The following MOGAT1 variants were observed in gnomAD, a reference collection of about 807,000 sequenced individuals.
MOGAT1 encodes the protein 2-acylglycerol O-acyltransferase 1.
In MOGAT1, 32 loss-of-function variants were observed where a neutral mutation model predicts 31.4. That is an observed-to-expected ratio of 1.02 (90% CI 0.77 to 1.37). The LOEUF (loss-of-function observed/expected upper bound fraction) is 1.37, where lower values mean the gene tolerates loss of function less well. MOGAT1 is among the 40% of genes most tolerant of loss of function. The pLI, the probability that MOGAT1 is intolerant of heterozygous loss-of-function variation, is 0.00. For missense variants in MOGAT1, 426 were observed against 402.0 expected (o/e 1.06, Z -0.51); for synonymous variants, 145 against 144.5 (o/e 1.00, Z -0.03).
At chr2:222,708,905 C>G (rs572953796) in intron 5 of MOGAT1, among the ~76,000 whole-genome samples, 1 of 152,252 alleles carries the variant, frequency 6.6e-6, no homozygotes, top group Non-Finnish European at 1.5e-5. Flanking sequence ...GTTTATTTAA[C>G]AGTTTTTCTA....
At chr2:222,701,115 C>T (rs1022644803) in intron 5 of MOGAT1, among the ~76,000 whole-genome samples, 7 of 152,296 alleles carry the variant, frequency 4.6e-5, no homozygotes, top group African/African-American at 1.7e-4. Flanking sequence ...TTTCCCGTGG[C>T]TGGCCGCGGT....
chr2:222,686,014 A>G (rs17566949), intron 1 of MOGAT1, among the ~76,000 whole-genome samples: 6,084 of 152,162 alleles, frequency 0.04, 142 homozygotes, highest in African/African-American at 0.059. Context: ...TGGGGACATT[A>G]TTTTTGGATC....
intron 3 of MOGAT1, among the ~76,000 whole-genome samples, chr2:222,691,888 C>A (rs72968053): frequency 1.3e-5 from 2 of 152,320 alleles, no homozygotes; most frequent in East Asian, 3.9e-4. Flanking sequence ...TTCCTCTTGT[C>A]CCATTTTGGG....
chr2:222,683,689 T>C (rs1692620639), intron 1 of MOGAT1, among the ~76,000 whole-genome samples: 1 of 151,924 alleles, frequency 6.6e-6, no homozygotes, highest in Non-Finnish European at 1.5e-5. Flanking sequence ...ATCACACCAC[T>C]GCACTCCAGT....
chr2:222,693,618 C>T (rs1420770404), intron 3 of MOGAT1, among the ~76,000 whole-genome samples: 3 of 152,020 alleles, frequency 2.0e-5, no homozygotes, highest in Non-Finnish European at 2.9e-5. Context: ...TCACGTCTTA[C>T]ATGGGTGGCG....
intron 5 of MOGAT1, among the ~76,000 whole-genome samples, chr2:222,701,328 GATAA>G (rs1241166585): frequency 8.6e-6 from 1 of 115,896 alleles, no homozygotes; most frequent in Non-Finnish European, 2.0e-5. Context: ...GAGAGAGAGA[GATAA>G]AAGGAATTAA....
intron 5 of MOGAT1, among the ~76,000 whole-genome samples, chr2:222,695,738 ATATTCTGC>A (rs924341225): frequency 3.9e-5 from 6 of 152,098 alleles, no homozygotes; most frequent in African/African-American, 1.4e-4. Context: ...TGTTTTATAT[ATATTCTGC>A]TATTCTGCTA....
intron 1 of MOGAT1, 92 bp from the exon 2 acceptor site, chr2:222,688,252 A>G: frequency 1.1e-6 from 1 of 928,432 alleles, no homozygotes; most frequent in East Asian, 2.7e-5. Context: ...TCAGTTTGAC[A>G]TATCTTATAT....
intron 1 of MOGAT1, among the ~76,000 whole-genome samples, chr2:222,687,546 C>G (rs1225273501): frequency 6.6e-6 from 1 of 152,190 alleles, no homozygotes; most frequent in African/African-American, 2.4e-5. Flanking sequence ...TCATGTGTTA[C>G]TTGAAGGTAA....
In MOGAT1 at chr2:222,689,438, TC is replaced by T; in HGVS notation, c.449del (p.Pro150LeufsTer7). On this transcript the variant is annotated frameshift_variant, in exon 3 of 6. Transcript: ENST00000446656. LOFTEE classifies it high-confidence loss of function. Reference sequence around the variant, plus strand: ...ACGTGCTGCCACTTTGGTTCTGGTGTCCTGTCTTTCGAGAATATGTGATGAG... The same window carrying T: ...ACGTGCTGCCACTTTGGTTCTGGTGTCTGTCTTTCGAGAATATGTGATGAG... ...LHVLPLWFWC[P>X]VFREYVMSVG... The T allele has an allele frequency of 6.2e-7, 1 of 1,614,054 alleles. No individual in the cohort carries two copies. The highest frequency in any genetic ancestry group is 8.5e-7 in the Non-Finnish European group (1 of 1,179,894).
chr2:222,682,156 T>TTTG (rs1364089833), intron 1 of MOGAT1, among the ~76,000 whole-genome samples: 2 of 152,300 alleles, frequency 1.3e-5, no homozygotes, highest in East Asian at 3.9e-4. Flanking sequence ...ACACACACAC[T>TTTG]TTGTTGTTGC....
intron 1 of MOGAT1, among the ~76,000 whole-genome samples, chr2:222,686,109 C>A (rs1347821000): frequency 6.6e-6 from 1 of 152,146 alleles, no homozygotes; most frequent in African/African-American, 2.4e-5. Context: ...GAAAACAGAA[C>A]CTCCCACTTG....
chr2:222,696,225 C>T lies in MOGAT1; in HGVS notation c.853+937C>T, dbSNP rs530650197. Among the ~76,000 whole-genome samples the T allele has an allele frequency of 3.9e-5, 6 of 152,290 alleles. No individual in the cohort carries two copies. The East Asian group carries it at 1.2e-3, about 29-fold the overall frequency. On this transcript the variant is annotated intron_variant, in intron 5 of 5. Transcript: ENST00000446656. ...CAATTGCAAATTGTTCTGCTATAAA[C>T]ATGTGTGTGCAAGTATATTTTTCGT...
At chr2:222,709,428 G>A (rs1156724926) in intron 5 of MOGAT1, among the ~76,000 whole-genome samples, 1 of 152,214 alleles carries the variant, frequency 6.6e-6, no homozygotes, top group African/African-American at 2.4e-5. Context: ...GGAGGAAGCT[G>A]GTGACGTGGA....
At chr2:222,694,319 G>A (rs775138645) in intron 3 of MOGAT1, 43 bp from the exon 4 acceptor site, 43 of 1,493,230 alleles carry the variant, frequency 2.9e-5, no homozygotes, top group Non-Finnish European at 3.8e-5. Context: ...TTGTAATATT[G>A]TTAGAAAAGG....
At chr2:222,688,174 C>T (rs1027229983) in intron 1 of MOGAT1, among the ~76,000 whole-genome samples, 170 bp from the exon 2 acceptor site, 1 of 152,108 alleles carries the variant, frequency 6.6e-6, no homozygotes, top group African/African-American at 2.4e-5. Flanking sequence ...ATATAGTAAA[C>T]ACCCAATAAA....
intron 5 of MOGAT1, among the ~76,000 whole-genome samples, chr2:222,704,656 A>C (rs1354903117): frequency 5.3e-5 from 8 of 152,098 alleles, no homozygotes. Flanking sequence ...CCCAATTTGC[A>C]ATAACTCACT....
At chr2:222,705,633 G>A (rs1692994462) in intron 5 of MOGAT1, among the ~76,000 whole-genome samples, 2 of 152,276 alleles carry the variant, frequency 1.3e-5, no homozygotes, top group South Asian at 4.2e-4. Flanking sequence ...GGTTTGTGGT[G>A]TTTTTCCATG....
Position 222,688,376 on chromosome 2 carries a change from A to G in MOGAT1, c.127A>G (p.Ile43Val), listed in dbSNP as rs1002992817. 53 of 1,612,510 alleles carry G rather than the reference A, an allele frequency of 3.3e-5. No homozygotes were observed. Among genetic ancestry groups the G allele is most frequent in the Non-Finnish European group, 4.5e-5 (53 of 1,179,320 alleles). The change falls in exon 2 of 6, where the codon ATC (isoleucine) becomes GTC (valine). Residue 43 changes from isoleucine to valine, a missense_variant. Physicochemically the swap from Ile to Val is conservative, Grantham distance 29. Coordinates refer to ENST00000446656, the MANE Select transcript of MOGAT1 (RefSeq NM_058165.3). The stretch of plus-strand genomic sequence containing the variant: ...GTCCATTGGAATCACTGTGATGCTG[A>G]TCATACACAACTATTTGTTCCTTTA... ...PMSIGITVML[I>V]IHNYLFLYIP...
Sources: gnomAD v4.1 joint callset for allele counts (sites outside exome capture counted in the v4.1 genomes callset) on GRCh38, gnomAD v4.1.1 for gene constraint, MANE v1.5 for transcripts, NCBI Gene and HGNC (gene_info 2026-07-23, HGNC 2026-07-21) for gene names.